SGMS1: variants seen among roughly 807,000 people sequenced by gnomAD.
The protein encoded by SGMS1 is sphingomyelin synthase 1.
A neutral mutation model predicts 46.2 loss-of-function variants in SGMS1; 13 were observed. That is an observed-to-expected ratio of 0.28 (90% confidence interval 0.18 to 0.45). The LOEUF is 0.45. Among genes scored for constraint, SGMS1 ranks in the 20% least tolerant of loss-of-function variants. The pLI is 1.00. For missense variants in SGMS1, 324 were observed against 519.9 expected (o/e 0.62, Z 3.66); for synonymous variants, 203 against 187.8 (o/e 1.08, Z -0.66).
intron 6 of SGMS1, among the ~76,000 whole-genome samples, chr10:50,364,388 T>A (rs1480742034): frequency 2.6e-5 from 4 of 152,208 alleles, no homozygotes; most frequent in East Asian, 1.9e-4. Context: ...TTAATTTTTT[T>A]AAAAAGGATA....
At chr10:50,312,373 C>T (rs1439294186) in intron 8 of SGMS1, among the ~76,000 whole-genome samples, 1 of 148,934 alleles carries the variant, frequency 6.7e-6, no homozygotes, top group East Asian at 2.0e-4. Flanking sequence ...AGATGGAGCA[C>T]ACCACACAGA....
intron 8 of SGMS1, among the ~76,000 whole-genome samples, chr10:50,317,719 T>C (rs1451911372): frequency 6.6e-6 from 1 of 152,242 alleles, no homozygotes; most frequent in Non-Finnish European, 1.5e-5. Context: ...AAACAACATT[T>C]ATTCACTATT....
intron 6 of SGMS1, among the ~76,000 whole-genome samples, chr10:50,377,526 T>G (rs888763870): frequency 6.6e-6 from 1 of 152,248 alleles, no homozygotes; most frequent in African/African-American, 2.4e-5. Flanking sequence ...TCTTTAGATG[T>G]ATGCCTTTTA....
chr10:50,518,742 T>C (rs922872968), intron 3 of SGMS1, among the ~76,000 whole-genome samples: 4 of 152,192 alleles, frequency 2.6e-5, no homozygotes, highest in African/African-American at 9.7e-5. Flanking sequence ...TTGTGCCATA[T>C]AAACAGTTTC....
At chr10:50,441,676 G>A (rs188667938) in intron 5 of SGMS1, among the ~76,000 whole-genome samples, 5 of 152,320 alleles carry the variant, frequency 3.3e-5, no homozygotes, top group East Asian at 1.9e-4. Flanking sequence ...TCTTTACCAC[G>A]TATAACCAGA....
chr10:50,603,446 T>C (rs1486256870), intron 1 of SGMS1, among the ~76,000 whole-genome samples: 1 of 152,232 alleles, frequency 6.6e-6, no homozygotes, highest in Non-Finnish European at 1.5e-5. Context: ...CTCCTTCTCT[T>C]ACTTATCGTA....
chr10:50,351,400 G>A (rs1848010074), intron 6 of SGMS1, among the ~76,000 whole-genome samples: 1 of 152,228 alleles, frequency 6.6e-6, no homozygotes. Context: ...TTGGGGGATT[G>A]TTGGGAAGGC....
intron 1 of SGMS1, among the ~76,000 whole-genome samples, chr10:50,591,919 A>G (rs1461974529): frequency 6.6e-6 from 1 of 152,204 alleles, no homozygotes; most frequent in African/African-American, 2.4e-5. Flanking sequence ...ATCAATGACT[A>G]ACACGCGAAG....
At chr10:50,439,139 T>C (rs908298087) in intron 5 of SGMS1, among the ~76,000 whole-genome samples, 2 of 152,186 alleles carry the variant, frequency 1.3e-5, no homozygotes, top group African/African-American at 2.4e-5. Context: ...GAGAACTGAA[T>C]AAAAATTAAA....
At chr10:50,458,339 CTTTTTTTTTTTTTTTTTTTT>C (rs750349777) in intron 5 of SGMS1, among the ~76,000 whole-genome samples, 4 of 97,142 alleles carry the variant, frequency 4.1e-5, no homozygotes, top group African/African-American at 1.7e-4. Flanking sequence ...TTCTTTTTCT[CTTTTTTTTTTTTTTTTTTTT>C]TTTTTTTTTT....
At chr10:50,430,565 A>T (rs1203426) in intron 6 of SGMS1, among the ~76,000 whole-genome samples, 125,561 of 151,966 alleles carry the variant, frequency 0.83, 52,010 homozygotes, top group East Asian at 1. Flanking sequence ...CTAAAGTTCT[A>T]TCCAATTAGC....
intron 4 of SGMS1, among the ~76,000 whole-genome samples, chr10:50,464,747 C>T (rs900710003): frequency 4.6e-5 from 7 of 152,044 alleles, no homozygotes; most frequent in Non-Finnish European, 8.8e-5. Context: ...TGATTTTAGC[C>T]CAGTGAGACC....
chr10:50,566,941 G>A (rs1838293468), intron 2 of SGMS1, among the ~76,000 whole-genome samples: 1 of 152,048 alleles, frequency 6.6e-6, no homozygotes, highest in Admixed American at 6.6e-5. Context: ...TTTTGTTGTT[G>A]TTGTTGTCGT....
intron 6 of SGMS1, among the ~76,000 whole-genome samples, chr10:50,369,160 A>G (rs1027011435): frequency 2.0e-5 from 3 of 152,266 alleles, no homozygotes; most frequent in African/African-American, 7.2e-5. Context: ...GTAAATATGA[A>G]GAGCAGATAT....
chr10:50,532,434 T>G (rs575598829), intron 2 of SGMS1, among the ~76,000 whole-genome samples: 1 of 152,322 alleles, frequency 6.6e-6, no homozygotes, highest in South Asian at 2.1e-4. Flanking sequence ...ATAGCTCATA[T>G]CCATCTCAAT....
At chr10:50,423,886 A>G (rs2133600582) in intron 6 of SGMS1, among the ~76,000 whole-genome samples, 2 of 152,374 alleles carry the variant, frequency 1.3e-5, no homozygotes, top group East Asian at 3.8e-4. Flanking sequence ...TAGAACAAGA[A>G]AAACATGCTC....
chr10:50,432,201 C>T (rs1849411601), intron 6 of SGMS1, among the ~76,000 whole-genome samples: 1 of 152,118 alleles, frequency 6.6e-6, no homozygotes, highest in Non-Finnish European at 1.5e-5. Flanking sequence ...TTGTTAAATT[C>T]TCAAAATTTT....
At chr10:50,474,235 T>A (rs1360984113) in intron 3 of SGMS1, 1 of 152,234 alleles carries the variant, frequency 6.6e-6, no homozygotes, top group African/African-American at 2.4e-5. Flanking sequence ...ACATATTTAG[T>A]AAGGATAAAA....
chr10:50,607,423 C>T (rs1370885973), intron 1 of SGMS1, among the ~76,000 whole-genome samples: 2 of 152,178 alleles, frequency 1.3e-5, no homozygotes, highest in African/African-American at 4.8e-5. Context: ...AGAGGGCAAA[C>T]ATTTGTCACA....
Sources: allele counts gnomAD v4.1 joint callset (sites outside exome capture counted in the v4.1 genomes callset), GRCh38; gene constraint gnomAD v4.1.1; transcripts MANE v1.5; gene names NCBI Gene and HGNC (gene_info 2026-07-23, HGNC 2026-07-21).